The following TRPM3 variants were observed in gnomAD, a reference collection of about 807,000 sequenced individuals.
The protein encoded by TRPM3 is long transient receptor potential channel 3.
Under a neutral mutation model 181.2 loss-of-function variants are expected in TRPM3, and 77 were observed. That is an observed-to-expected ratio of 0.42 (90% CI 0.35 to 0.51). The LOEUF (loss-of-function observed/expected upper bound fraction) is 0.51, where lower values mean the gene tolerates loss of function less well. Ranked by LOEUF, TRPM3 falls within the 20% of genes least tolerant of loss-of-function variation. The pLI is 0.01. For synonymous variants in TRPM3, 745 were observed against 796.4 expected (o/e 0.94, Z 1.09); for missense variants, 1,759 against 2,196.7 (o/e 0.80, Z 3.98).
At chr9:70,537,523 G>A (rs1588009177) in intron 25 of TRPM3, 118 bp from the exon 26 acceptor site, 2 of 840,514 alleles carry the variant, frequency 2.4e-6, no homozygotes, top group Admixed American at 7.5e-5. Context: ...TGGAAGACAG[G>A]TTACAGGTGT....
At chr9:70,597,088 C>T (rs1231332134) in intron 21 of TRPM3, among the ~76,000 whole-genome samples, 1 of 151,918 alleles carries the variant, frequency 6.6e-6, no homozygotes, top group African/African-American at 2.4e-5. Context: ...CATACACCAC[C>T]ATGCCCAGCT....
intron 1 of TRPM3, among the ~76,000 whole-genome samples, chr9:71,101,002 T>C (rs577389307): frequency 6.6e-6 from 1 of 152,180 alleles, no homozygotes; most frequent in Non-Finnish European, 1.5e-5. Context: ...TCTCTTTCTC[T>C]ACTTGCTTTT....
intron 25 of TRPM3, among the ~76,000 whole-genome samples, chr9:70,548,475 T>C (rs929443776): frequency 6.6e-6 from 1 of 152,200 alleles, no homozygotes; most frequent in Non-Finnish European, 1.5e-5. Flanking sequence ...ACAGAGCCAC[T>C]GGAGAAGTCT....
At chr9:70,696,272 T>A (rs2134564953) in intron 8 of TRPM3, among the ~76,000 whole-genome samples, 1 of 152,304 alleles carries the variant, frequency 6.6e-6, no homozygotes, top group Non-Finnish European at 1.5e-5. Flanking sequence ...CCCGATTAGG[T>A]TCAGGTTAGT....
chr9:71,249,144 C>A (rs1173779692), intron 1 of TRPM3, among the ~76,000 whole-genome samples: 1 of 152,146 alleles, frequency 6.6e-6, no homozygotes, highest in African/African-American at 2.4e-5. Context: ...TGAAAGTAAT[C>A]CCTGAAAGTA....
intron 1 of TRPM3, among the ~76,000 whole-genome samples, chr9:70,893,264 G>A (rs2096238528): frequency 6.6e-6 from 1 of 152,164 alleles, no homozygotes; most frequent in Admixed American, 6.5e-5. Context: ...GACCATGCCA[G>A]GGGCTTGGGT....
intron 1 of TRPM3, among the ~76,000 whole-genome samples, chr9:71,155,110 C>T (rs892160531): frequency 5.9e-5 from 9 of 152,224 alleles, no homozygotes; most frequent in African/African-American, 2.2e-4. Flanking sequence ...CTGAATCCAG[C>T]ACACCCCTAT....
intron 16 of TRPM3, among the ~76,000 whole-genome samples, 176 bp from the exon 17 acceptor site, chr9:70,619,271 C>T (rs903111996): frequency 6.6e-6 from 1 of 152,040 alleles, no homozygotes; most frequent in Non-Finnish European, 1.5e-5. Context: ...CTACTATGTG[C>T]CGGATACCAT....
chr9:71,232,550 G>A (rs539561234), intron 1 of TRPM3, among the ~76,000 whole-genome samples: 1 of 141,236 alleles, frequency 7.1e-6, no homozygotes, highest in Non-Finnish European at 1.5e-5. Flanking sequence ...GCCGAGGCTG[G>A]AGTGCGGTGG....
chr9:71,252,846 T>G (rs2082427961), intron 1 of TRPM3, among the ~76,000 whole-genome samples: 1 of 81,180 alleles, frequency 1.2e-5, no homozygotes, highest in South Asian at 5.0e-4. Context: ...TAATTTTGTC[T>G]CTTTTTTTTT....
At chr9:71,312,745 A>G (rs1410901877) in intron 1 of TRPM3, among the ~76,000 whole-genome samples, 1 of 152,172 alleles carries the variant, frequency 6.6e-6, no homozygotes, top group East Asian at 1.9e-4. Flanking sequence ...CCAAACCATA[A>G]AAACACATGG....
chr9:70,883,666 T>A (rs1044344636), intron 1 of TRPM3, among the ~76,000 whole-genome samples: 2 of 152,222 alleles, frequency 1.3e-5, no homozygotes, highest in African/African-American at 4.8e-5. Flanking sequence ...TAGACTTATA[T>A]GAGCCAAAGG....
At chr9:71,293,517 T>C (rs962415774) in intron 1 of TRPM3, among the ~76,000 whole-genome samples, 1 of 151,758 alleles carries the variant, frequency 6.6e-6, no homozygotes, top group Admixed American at 6.6e-5. Flanking sequence ...AATATTAAGA[T>C]GTGCAAATCC....
chr9:71,413,284 TTGAG>T (rs780486887), intron 1 of TRPM3, among the ~76,000 whole-genome samples: 3 of 152,168 alleles, frequency 2.0e-5, no homozygotes, highest in South Asian at 2.1e-4. Context: ...CTCATATTTA[TTGAG>T]TATTTAGCAT....
At chr9:71,017,718 A>G (rs974770094) in intron 1 of TRPM3, among the ~76,000 whole-genome samples, 6 of 151,838 alleles carry the variant, frequency 4.0e-5, no homozygotes, top group Non-Finnish European at 8.9e-5. Context: ...TAGACCCAAT[A>G]AAAGATAGAA....
chr9:71,179,072 T>C (rs368052234), intron 1 of TRPM3, among the ~76,000 whole-genome samples: 14 of 152,178 alleles, frequency 9.2e-5, no homozygotes, highest in South Asian at 2.1e-4. Flanking sequence ...TCAGAAGATA[T>C]TGAACCTTGA....
intron 1 of TRPM3, among the ~76,000 whole-genome samples, chr9:71,149,745 G>A (rs182308060): frequency 3.5e-3 from 527 of 152,146 alleles, no homozygotes; most frequent in African/African-American, 0.012. Context: ...AGGCTGAGGC[G>A]GATGGATCAC....
chr9:71,116,656 G>T (rs2072453840), intron 1 of TRPM3, among the ~76,000 whole-genome samples: 1 of 151,880 alleles, frequency 6.6e-6, no homozygotes, highest in Non-Finnish European at 1.5e-5. Context: ...TAATTCCCTT[G>T]TGTTACCTAC....
At chr9:71,137,184 A>T (rs1247590036) in intron 1 of TRPM3, among the ~76,000 whole-genome samples, 3 of 152,186 alleles carry the variant, frequency 2.0e-5, no homozygotes, top group African/African-American at 7.2e-5. Context: ...GTTTTCCTTT[A>T]AAACTAATAA....
Sources: allele counts gnomAD v4.1 joint callset (sites outside exome capture counted in the v4.1 genomes callset), GRCh38; gene constraint gnomAD v4.1.1; transcripts MANE v1.5; gene names NCBI Gene and HGNC (gene_info 2026-07-23, HGNC 2026-07-21).